PDE4D: variants seen among roughly 807,000 people sequenced by gnomAD.
PDE4D encodes the protein phosphodiesterase 4D, also known as 3',5'-cyclic-AMP phosphodiesterase 4D.
A neutral mutation model predicts 87.4 loss-of-function variants in PDE4D; 24 were observed. The ratio of observed to expected loss-of-function variants is 0.27; its 90% CI spans 0.20 to 0.39. The LOEUF (loss-of-function observed/expected upper bound fraction) is 0.39. Ranked by LOEUF, PDE4D falls within the 10% of genes least tolerant of loss-of-function variation. PDE4D has a pLI of 1.00. For missense variants in PDE4D, 714 were observed against 1,041.0 expected, an observed-to-expected ratio of 0.69 and a Z score of 4.32; for synonymous variants, 384 against 383.2, an observed-to-expected ratio of 1.00 and a Z score of -0.02.
chr5:59,775,487 C>T (rs1581050612), intron 1 of PDE4D, among the ~76,000 whole-genome samples: 1 of 151,116 alleles, frequency 6.6e-6, no homozygotes, highest in South Asian at 2.1e-4. Context: ...CATTTTAAAT[C>T]TGAGAAAACT....
At chr5:59,709,638 G>T (rs1375061284) in intron 1 of PDE4D, among the ~76,000 whole-genome samples, 1 of 152,176 alleles carries the variant, frequency 6.6e-6, no homozygotes, top group African/African-American at 2.4e-5. Context: ...GGCAGCCTCA[G>T]GGCTCAAGTG....
intron 6 of PDE4D, among the ~76,000 whole-genome samples, chr5:59,021,602 C>T (rs896404507): frequency 6.6e-6 from 1 of 152,156 alleles, no homozygotes; most frequent in Middle Eastern, 3.2e-3. Flanking sequence ...TAATTTTCAA[C>T]ACAATCCTTT....
At chr5:59,495,337 CTT>C (rs2153662062) in intron 1 of PDE4D, among the ~76,000 whole-genome samples, 1 of 152,282 alleles carries the variant, frequency 6.6e-6, no homozygotes, top group Non-Finnish European at 1.5e-5. Flanking sequence ...ACTCCATTCT[CTT>C]TGTGTCTCTC....
At chr5:59,311,448 C>A (rs1431038000) in intron 1 of PDE4D, among the ~76,000 whole-genome samples, 1 of 125,416 alleles carries the variant, frequency 8.0e-6, no homozygotes, top group African/African-American at 3.1e-5. Flanking sequence ...TTGCAATGAG[C>A]TGAGATTGCA....
At chr5:59,200,684 C>A (rs1265339254) in intron 2 of PDE4D, among the ~76,000 whole-genome samples, 1 of 96,806 alleles carries the variant, frequency 1.0e-5, no homozygotes, top group Non-Finnish European at 2.1e-5. Flanking sequence ...TACACGTATA[C>A]ATACATATGT....
chr5:59,619,933 C>G (rs1341846390), intron 1 of PDE4D, among the ~76,000 whole-genome samples: 1 of 152,144 alleles, frequency 6.6e-6, no homozygotes, highest in African/African-American at 2.4e-5. Flanking sequence ...CACTGTTATG[C>G]TTTGCTTTTT....
intron 2 of PDE4D, among the ~76,000 whole-genome samples, chr5:60,174,987 G>T (rs1053399608): frequency 1.3e-5 from 2 of 151,908 alleles, no homozygotes; most frequent in African/African-American, 2.4e-5. Flanking sequence ...TTTTTTCAGC[G>T]ATTTTTTTCT....
chr5:59,377,881 A>G (rs755748172), intron 1 of PDE4D, among the ~76,000 whole-genome samples: 2 of 152,222 alleles, frequency 1.3e-5, no homozygotes, highest in Non-Finnish European at 2.9e-5. Context: ...GCAATTCCTC[A>G]AAGACCTAAA....
chr5:60,185,511 A>G (rs776016667), intron 2 of PDE4D: 3 of 1,265,574 alleles, frequency 2.4e-6, no homozygotes, highest in South Asian at 2.6e-5. Flanking sequence ...CTAAAATGTT[A>G]TATGTACATG....
intron 5 of PDE4D, among the ~76,000 whole-genome samples, chr5:59,105,521 C>A (rs1312207405): frequency 6.6e-6 from 1 of 152,046 alleles, no homozygotes; most frequent in Non-Finnish European, 1.5e-5. Context: ...TTAGTTAACC[C>A]ACTCCCCTTA....
intron 6 of PDE4D, among the ~76,000 whole-genome samples, chr5:59,001,135 T>C (rs1750453762): frequency 6.6e-6 from 1 of 152,248 alleles, no homozygotes; most frequent in African/African-American, 2.4e-5. Flanking sequence ...AACAGCATTT[T>C]CTATTTGGTT....
At chr5:59,914,308 G>T (rs1282668223) in intron 3 of PDE4D, among the ~76,000 whole-genome samples, 1 of 152,084 alleles carries the variant, frequency 6.6e-6, no homozygotes, top group Admixed American at 6.6e-5. Context: ...CCTGGGAAAG[G>T]TAAGGAGCCT....
chr5:60,333,418 A>G (rs1339133183), intron 1 of PDE4D, among the ~76,000 whole-genome samples: 3 of 152,146 alleles, frequency 2.0e-5, no homozygotes, highest in Admixed American at 2.0e-4. Context: ...AAAATGCCTC[A>G]GTTCAAAACT....
At chr5:59,088,374 T>C (rs1768087483) in intron 5 of PDE4D, among the ~76,000 whole-genome samples, 1 of 152,166 alleles carries the variant, frequency 6.6e-6, no homozygotes, top group Admixed American at 6.5e-5. Context: ...AGTTCAACCA[T>C]TGTGGAAGAC....
At chr5:60,203,133 G>T (rs150529390) in intron 1 of PDE4D, among the ~76,000 whole-genome samples, 1 of 152,024 alleles carries the variant, frequency 6.6e-6, no homozygotes, top group Non-Finnish European at 1.5e-5. Flanking sequence ...CACTACGCTC[G>T]ACTAATTTTT....
chr5:59,283,908 C>T (rs116437139), intron 1 of PDE4D, among the ~76,000 whole-genome samples: 4,719 of 152,178 alleles, frequency 0.031, 99 homozygotes, highest in Non-Finnish European at 0.044. Context: ...GTTTAGCTAT[C>T]GATTTGGACT....
chr5:59,444,598 G>A (rs1021758847), intron 1 of PDE4D, among the ~76,000 whole-genome samples: 1 of 152,122 alleles, frequency 6.6e-6, no homozygotes, highest in African/African-American at 2.4e-5. Context: ...GGATCACGAG[G>A]TCAGGAGAAC....
chr5:60,169,086 C>T lies in PDE4D; in HGVS notation c.42+16471G>A, dbSNP rs926519801. ...TTCTATAAGATAACCTACCAGAATA[C>T]GGATAAGACAGCTTGCCATGGAGAA... On this transcript the variant is annotated intron_variant, in intron 2 of 16. Coordinates refer to the PDE4D transcript ENST00000502484. Among the ~76,000 whole-genome samples, 8 of 152,022 alleles carry T rather than the reference C, an allele frequency of 5.3e-5. No individual in the cohort carries two copies. In the South Asian group the frequency reaches 1.5e-3, roughly 28 times the overall value.
intron 1 of PDE4D, among the ~76,000 whole-genome samples, chr5:60,511,359 T>C (rs1287968655): frequency 6.6e-6 from 1 of 152,138 alleles, no homozygotes; most frequent in Non-Finnish European, 1.5e-5. Flanking sequence ...TTATAAGCTG[T>C]TGACTCCCAT....
Sources: allele counts gnomAD v4.1 joint callset (sites outside exome capture counted in the v4.1 genomes callset), GRCh38; gene constraint gnomAD v4.1.1; transcripts MANE v1.5; gene names NCBI Gene and HGNC (gene_info 2026-07-23, HGNC 2026-07-21).